Variants in BCAS3 observed in about 807,000 individuals in gnomAD.
The protein encoded by BCAS3 is BCAS3 microtubule associated cell migration factor.
Under a neutral mutation model 116.1 loss-of-function variants are expected in BCAS3, and 53 were observed. The ratio of observed to expected loss-of-function variants is 0.46; its 90% CI spans 0.37 to 0.57. The LOEUF (loss-of-function observed/expected upper bound fraction) is 0.57, where lower values mean the gene tolerates loss of function less well. Ranked by LOEUF, BCAS3 falls within the 20% of genes least tolerant of loss-of-function variation. BCAS3 has a pLI of 0.00. For synonymous variants in BCAS3, 391 were observed against 408.2 expected (o/e 0.96, Z 0.51); for missense variants, 917 against 1,165.4 (o/e 0.79, Z 3.10).
In BCAS3 at chr17:61,243,498, A is replaced by G. The variant is rs759573261; in HGVS notation, c.2426-124829A>G. On this transcript the variant is annotated intron_variant, in intron 22 of 23. Transcript: ENST00000407086. The surrounding 1 kb of genome is among the most constrained non-coding windows in gnomAD (Gnocchi z 5.6). ...CATTTCAGTTCCTTTTGATATATAC[A>G]CCCAGCAGTGGGACTGCTGGGTCAT... 5.3e-5 allele frequency among the ~76,000 whole-genome samples: 8 copies of G among 151,940 alleles called. No individual in the cohort carries two copies. Among genetic ancestry groups the G allele is most frequent in the Non-Finnish European group, 1.5e-5 (1 of 68,004 alleles).
chr17:60,926,477 T>A (rs1049656430), intron 13 of BCAS3, among the ~76,000 whole-genome samples: 8 of 152,198 alleles, frequency 5.3e-5, no homozygotes, highest in African/African-American at 1.9e-4. Context: ...CTCTAATATC[T>A]TAATAAGTCA....
At chr17:60,730,799 A>T (rs1233408657) in intron 5 of BCAS3, among the ~76,000 whole-genome samples, 1 of 152,172 alleles carries the variant, frequency 6.6e-6, no homozygotes, top group Non-Finnish European at 1.5e-5. Flanking sequence ...GGAGATTCTG[A>T]TGCCTCTTTG....
rs762178376 is a variant in BCAS3 at position 61,217,472 on chromosome 17, T to A, written c.2425+132908T>A. ...TGGCCCCACAATCGTTTTGGCTTAG[T>A]TTGGCTTGCCCCAGTAATGTAAATT... is the stretch of plus-strand genomic sequence containing the variant. On this transcript the variant is annotated intron_variant, in intron 22 of 23. Coordinates refer to ENST00000407086, the MANE Select transcript of BCAS3 (RefSeq NM_017679.5). This position sits in a 1 kb window ranked among gnomAD's most constrained non-coding sequence, Gnocchi z 5.2. 6.6e-6 allele frequency among the ~76,000 whole-genome samples: 1 copy of A among 152,174 alleles called. No individual in the cohort carries two copies. Among genetic ancestry groups the A allele is most frequent in the Admixed American group, 6.5e-5 (1 of 15,274 alleles).
rs1217543745 is a variant in BCAS3, at chr17:61,361,333, T to C, written c.2426-6994T>C. Reference sequence around the variant, plus strand: ...AGTGTGCATTATGCAATTGCATATTTTGCAGTTGTGAAAATGGTCTCCTTG... The same window carrying C: ...AGTGTGCATTATGCAATTGCATATTCTGCAGTTGTGAAAATGGTCTCCTTG... On this transcript the variant is annotated intron_variant, in intron 22 of 23. Coordinates refer to ENST00000407086, the MANE Select transcript of BCAS3 (RefSeq NM_017679.5). The surrounding 1 kb of genome is among the most constrained non-coding windows in gnomAD (Gnocchi z 6.5). 6.6e-6 allele frequency among the ~76,000 whole-genome samples: 1 copy of C among 152,202 alleles called. No individual in the cohort carries two copies. The highest frequency in any genetic ancestry group is 1.5e-5 in the Non-Finnish European group (1 of 68,034).
At chr17:60,773,308 T>C (rs1385043559) in intron 6 of BCAS3, among the ~76,000 whole-genome samples, 1 of 149,334 alleles carries the variant, frequency 6.7e-6, no homozygotes, top group Non-Finnish European at 1.5e-5. Flanking sequence ...TTTTTTTTTT[T>C]TGGGACAGGG....
intron 22 of BCAS3, among the ~76,000 whole-genome samples, chr17:61,238,429 G>A (rs2083235993): frequency 6.6e-6 from 1 of 151,826 alleles, no homozygotes; most frequent in Admixed American, 6.6e-5. Flanking sequence ...CACCACGTTG[G>A]CCAGGCTGGT....
At position 61,258,628 on chromosome 17, in the gene BCAS3, CA is replaced by C. The variant is rs770194106; in HGVS notation, c.2426-109698del. On this transcript the variant is annotated intron_variant, in intron 22 of 23. Transcript: ENST00000407086. The surrounding 1 kb of genome is among the most constrained non-coding windows in gnomAD (Gnocchi z 4.7). ...ACTGTTCCCCTTGATCATAATACAA[CA>C]TTGATTAAGTAAGTAGACTGATGTT... Among the ~76,000 whole-genome samples the C allele has an allele frequency of 6.6e-6, 1 of 152,226 alleles. No homozygotes were observed. Among genetic ancestry groups the C allele is most frequent in the Non-Finnish European group, 1.5e-5 (1 of 68,032 alleles).
At chr17:61,111,625 G>A (rs1475376850) in intron 22 of BCAS3, among the ~76,000 whole-genome samples, 4 of 149,268 alleles carry the variant, frequency 2.7e-5, no homozygotes, top group African/African-American at 9.8e-5. Context: ...GTACCTGAAA[G>A]TGATGGGGAG....
intron 17 of BCAS3, among the ~76,000 whole-genome samples, chr17:61,036,958 G>T (rs1435957314): frequency 6.6e-6 from 1 of 152,114 alleles, no homozygotes; most frequent in Non-Finnish European, 1.5e-5. Flanking sequence ...TGAGCAGAAG[G>T]TCCAGAGATT....
chr17:60,874,515 C>A (rs1000163436), intron 8 of BCAS3, 147 bp from the exon 9 acceptor site: 21 of 536,338 alleles, frequency 3.9e-5, no homozygotes, highest in Admixed American at 2.2e-4. Flanking sequence ...AAGTTTCTAG[C>A]CTAAATATTA....
chr17:60,830,035 A>C (rs1309147962), intron 7 of BCAS3, among the ~76,000 whole-genome samples: 1 of 152,204 alleles, frequency 6.6e-6, no homozygotes, highest in Non-Finnish European at 1.5e-5. Flanking sequence ...TCTGTCACCC[A>C]AGCTGGAGTG....
intron 6 of BCAS3, among the ~76,000 whole-genome samples, chr17:60,803,848 C>T (rs183887683): frequency 8.2e-6 from 1 of 121,340 alleles, no homozygotes; most frequent in African/African-American, 3.2e-5. Context: ...GTTGCCCAGG[C>T]TGGAGTGCAA....
Position 60,772,895 on chromosome 17 carries a change from C to T in BCAS3, c.403+25616C>T, listed in dbSNP as rs1041493692. 4.6e-5 allele frequency among the ~76,000 whole-genome samples: 7 copies of T among 152,002 alleles called. No homozygotes were observed. In the East Asian group the frequency reaches 7.7e-4, roughly 17 times the overall value. ...CTCAGAAAAAAAAAGGGGGGCTTAA[C>T]GTGAAGCAAGTAAGTTTCATGTAAG... On this transcript the variant is annotated intron_variant, in intron 6 of 23. Coordinates refer to ENST00000407086, the MANE Select transcript of BCAS3 (RefSeq NM_017679.5).
rs956865334 is a variant in BCAS3, at chr17:61,307,554, A to G, written c.2426-60773A>G. On this transcript the variant is annotated intron_variant, in intron 22 of 23. Coordinates refer to ENST00000407086, the MANE Select transcript of BCAS3 (RefSeq NM_017679.5). The surrounding 1 kb of genome is among the most constrained non-coding windows in gnomAD (Gnocchi z 4.7). ...CTGTGTTTGGTGTCTACCTGTGTAAAATAGGAATAATCCCAATCTTCTCAA... is the reference window on the plus strand; with the variant it reads ...CTGTGTTTGGTGTCTACCTGTGTAAGATAGGAATAATCCCAATCTTCTCAA... 1.3e-5 allele frequency among the ~76,000 whole-genome samples: 2 copies of G among 152,248 alleles called. No homozygotes were observed. Among genetic ancestry groups the G allele is most frequent in the South Asian group, 4.1e-4 (2 of 4,832 alleles).
Position 61,145,237 on chromosome 17 carries a change from G to A in BCAS3, c.2425+60673G>A, listed in dbSNP as rs1352730573. Among the ~76,000 whole-genome samples the A allele has an allele frequency of 6.6e-6, 1 of 152,116 alleles. No homozygotes were observed. Among genetic ancestry groups the A allele is most frequent in the African/African-American group, 2.4e-5 (1 of 41,422 alleles). On this transcript the variant is annotated intron_variant, in intron 22 of 23. Coordinates refer to ENST00000407086, the MANE Select transcript of BCAS3 (RefSeq NM_017679.5). The surrounding 1 kb of genome is among the most constrained non-coding windows in gnomAD (Gnocchi z 5.0). The stretch of plus-strand genomic sequence containing the variant: ...TTTCCACCAGTCTTGAATCTTTCTT[G>A]TTTCTGCCGTCTTCACCTTTGCTGA...
chr17:61,027,045 G>T, intron 16 of BCAS3: 1 of 717,896 alleles, frequency 1.4e-6, no homozygotes, highest in Non-Finnish European at 2.3e-6. Context: ...ATTTGTAGAT[G>T]GAACATGAAT....
intron 22 of BCAS3, among the ~76,000 whole-genome samples, chr17:61,312,064 AG>A (rs775747174): frequency 2.0e-4 from 31 of 152,324 alleles, no homozygotes; most frequent in Non-Finnish European, 3.4e-4. Context: ...ACAAAACAGG[AG>A]GGGAGAATCG....
chr17:60,914,051 G>A (rs2145115118), intron 12 of BCAS3, among the ~76,000 whole-genome samples: 1 of 152,232 alleles, frequency 6.6e-6, no homozygotes, highest in African/African-American at 2.4e-5. Flanking sequence ...TGGAGAACAA[G>A]TGTTATTCAT....
At chr17:60,751,500 T>G (rs1383648198) in intron 6 of BCAS3, among the ~76,000 whole-genome samples, 2 of 152,128 alleles carry the variant, frequency 1.3e-5, no homozygotes, top group African/African-American at 2.4e-5. Flanking sequence ...AGACTTTCAC[T>G]TCCTTTAATA....
Sources: gnomAD v4.1 joint callset for allele counts (sites outside exome capture counted in the v4.1 genomes callset) on GRCh38, gnomAD v4.1.1 for gene constraint, Gnocchi (gnomAD v3.1) non-coding constraint, MANE v1.5 for transcripts, NCBI Gene and HGNC (gene_info 2026-07-23, HGNC 2026-07-21) for gene names.